MYO5C: variants seen among roughly 807,000 people sequenced by gnomAD.
The protein encoded by MYO5C is myosin VC.
MYO5C carries 194 observed loss-of-function variants against 235.7 expected under a neutral mutation model. The observed-to-expected ratio is 0.82, with a 90% CI of 0.73 to 0.93. MYO5C has a LOEUF of 0.93. MYO5C is among the 40% of genes least tolerant of loss of function. The pLI is 0.00. For synonymous variants in MYO5C, 707 were observed against 754.8 expected (o/e 0.94, Z 1.04); for missense variants, 2,038 against 2,127.2 (o/e 0.96, Z 0.82).
intron 12 of MYO5C, 39 bp from the exon 13 acceptor site, chr15:52,251,554 C>T (rs750732339): frequency 7.0e-6 from 11 of 1,561,208 alleles, no homozygotes; most frequent in Admixed American, 5.5e-5. Context: ...AGTAAGAAAA[C>T]CAGAGATTCA....
chr15:52,237,497 C>G lies in MYO5C; in HGVS notation c.2853G>C (p.Arg951Ser), dbSNP rs2036112819. The G allele has an allele frequency of 6.2e-7, 1 of 1,614,058 alleles. No individual in the cohort carries two copies. Among genetic ancestry groups the G allele is most frequent in the East Asian group, 2.2e-5 (1 of 44,872 alleles). Residue 951 changes from arginine to serine, a missense_variant, in exon 22 of 41, where the codon AGG becomes AGC. Transcript: ENST00000261839. ...RNYEEKGKRY[R>S]DAVEEKLAKL... is the part of the protein sequence containing the mutation. ...CGCAGCTGACCTCTTCCACAGCATCCCTGTATCTCTTCCCCTTCTCCTCGT... is the reference window on the plus strand; with the variant it reads ...CGCAGCTGACCTCTTCCACAGCATCGCTGTATCTCTTCCCCTTCTCCTCGT...
At chr15:52,248,874 T>TA (rs2036410592) in intron 13 of MYO5C, 91 bp from the exon 14 acceptor site, 1 of 903,188 alleles carries the variant, frequency 1.1e-6, no homozygotes, top group Non-Finnish European at 1.7e-6. Flanking sequence ...GAAAGATTAA[T>TA]AAAAAAGGCT....
Position 52,193,972 on chromosome 15 carries a change from G to A in MYO5C, c.5159C>T (p.Pro1720Leu), listed in dbSNP as rs202130148. 2.5e-6 allele frequency: 4 copies of A among 1,613,790 alleles called. No individual in the cohort carries two copies. Among genetic ancestry groups the A allele is most frequent in the Middle Eastern group, 1.6e-4 (1 of 6,062 alleles). The change falls in exon 41 of 41, where the codon CCC becomes CTC. Residue 1720 changes from proline to leucine, a missense_variant. Physicochemically the swap from Pro to Leu is moderately conservative, Grantham distance 98. Coordinates refer to ENST00000261839, the MANE Select transcript of MYO5C (RefSeq NM_018728.4). ...AATCATTTCCAGAGCATGTGGAGAG[G>A]GGGTAAAAGGAAATGTGACTTGAAA... ...YLFQVTFPFTPSPHALEMIQI... is the reference protein window; with the variant it reads ...YLFQVTFPFTLSPHALEMIQI...
intron 1 of MYO5C, among the ~76,000 whole-genome samples, chr15:52,284,866 A>T (rs1371886045): frequency 6.9e-6 from 1 of 145,678 alleles, no homozygotes; most frequent in Non-Finnish European, 1.5e-5. Flanking sequence ...AAGAGACAGG[A>T]TCTAGTTTTG....
At chr15:52,218,911 C>T (rs1000425090) in intron 31 of MYO5C, among the ~76,000 whole-genome samples, 13 of 152,166 alleles carry the variant, frequency 8.5e-5, no homozygotes, top group Admixed American at 2.6e-4. Context: ...TCTCCTTCCC[C>T]CAATAAGAGT....
rs1348210120 is a variant in MYO5C, at chr15:52,192,445, G to A, written c.*1457C>T. ...TATAAAAAGACATTATTATGTATTA[G>A]CAGGGTGATGCTTCATAATCATGTA... On this transcript the variant is annotated 3_prime_UTR_variant, in exon 41 of 41. Transcript: ENST00000261839. 1 of 152,118 alleles carries A rather than the reference G, an allele frequency of 6.6e-6. No individual in the cohort carries two copies. The highest frequency in any genetic ancestry group is 2.4e-5 in the African/African-American group (1 of 41,402). 9.4% of individuals were successfully genotyped at this position (152,118 alleles called of 1,614,324 possible).
chr15:52,282,931 C>A, intron 1 of MYO5C, 39 bp from the exon 2 acceptor site: 1 of 1,338,660 alleles, frequency 7.5e-7, no homozygotes, highest in Non-Finnish European at 1.1e-6. Context: ...TTCAGGACTT[C>A]CAAAATTATG....
chr15:52,272,952 G>A (rs1384359780), intron 5 of MYO5C, among the ~76,000 whole-genome samples: 1 of 152,224 alleles, frequency 6.6e-6, no homozygotes, highest in Non-Finnish European at 1.5e-5. Context: ...TACTGGGGAG[G>A]ACCAGAAAGA....
chr15:52,247,994 A>G (rs150290735), intron 14 of MYO5C, among the ~76,000 whole-genome samples: 1 of 152,104 alleles, frequency 6.6e-6, no homozygotes, highest in East Asian at 1.9e-4. Flanking sequence ...AGCCCCACCC[A>G]CTTCGCAATG....
chr15:52,236,911 G>C (rs1204393500), intron 22 of MYO5C: 1 of 152,144 alleles, frequency 6.6e-6, no homozygotes, highest in Non-Finnish European at 1.5e-5. Flanking sequence ...TTCATCTGAT[G>C]ATTTTATTCT....
At chr15:52,270,366 A>G (rs1047636653) in intron 7 of MYO5C, among the ~76,000 whole-genome samples, 1 of 152,198 alleles carries the variant, frequency 6.6e-6, no homozygotes, top group Non-Finnish European at 1.5e-5. Context: ...TCAAGTTCCA[A>G]TAGCTGATGG....
chr15:52,200,646 T>C (rs905922755), intron 38 of MYO5C, among the ~76,000 whole-genome samples: 3 of 152,062 alleles, frequency 2.0e-5, no homozygotes, highest in African/African-American at 4.8e-5. Flanking sequence ...CAATTCAAAA[T>C]TGGCATATGA....
At chr15:52,294,506 C>A (rs1480554361) in intron 1 of MYO5C, among the ~76,000 whole-genome samples, 1 of 152,192 alleles carries the variant, frequency 6.6e-6, no homozygotes, top group Non-Finnish European at 1.5e-5. Flanking sequence ...TTGCTTAAAC[C>A]ATTGAAACAT....
intron 1 of MYO5C, among the ~76,000 whole-genome samples, chr15:52,283,825 G>A (rs1196396672): frequency 1.3e-5 from 2 of 151,980 alleles, no homozygotes; most frequent in South Asian, 2.1e-4. Context: ...ACAGGCACCC[G>A]CCACCATGCC....
intron 11 of MYO5C, among the ~76,000 whole-genome samples, chr15:52,254,292 G>A (rs2036536549): frequency 6.6e-6 from 1 of 152,178 alleles, no homozygotes; most frequent in African/African-American, 2.4e-5. Flanking sequence ...ACCGGAGGCA[G>A]TGAGACCAAT....
intron 16 of MYO5C, among the ~76,000 whole-genome samples, chr15:52,246,382 C>A (rs1040400905): frequency 6.6e-6 from 1 of 152,186 alleles, no homozygotes; most frequent in African/African-American, 2.4e-5. Flanking sequence ...ATTTCCTCTA[C>A]AGAACACCCA....
intron 38 of MYO5C, among the ~76,000 whole-genome samples, chr15:52,200,254 A>T (rs2035156338): frequency 6.6e-6 from 1 of 152,208 alleles, no homozygotes; most frequent in African/African-American, 2.4e-5. Context: ...AAATATTGAC[A>T]TTCTCCATAT....
At position 52,193,658 on chromosome 15, in the gene MYO5C, A is replaced by G. The variant is rs528291715; in HGVS notation, c.*244T>C. ...TATGAGCCCTCCAGGAATTTCAGTG[A>G]AAACCAGCTGAGATTCGAGAGTGAG... is the stretch of plus-strand genomic sequence containing the variant. On this transcript the variant is annotated 3_prime_UTR_variant, in exon 41 of 41. Coordinates refer to ENST00000261839, the MANE Select transcript of MYO5C (RefSeq NM_018728.4). 9.0e-6 allele frequency: 4 copies of G among 446,092 alleles called. No individual in the cohort carries two copies. The highest frequency in any genetic ancestry group is 1.6e-5 in the Non-Finnish European group (4 of 253,358). 27.6% of individuals were successfully genotyped at this position (446,092 alleles called of 1,614,324 possible). A position where few individuals can be genotyped will look rare whatever the true frequency, so the allele number is the denominator to read the frequency against.
chr15:52,214,601 AC>A lies in MYO5C; in HGVS notation c.4042+1del. 6.3e-7 allele frequency: 1 copy of A among 1,592,254 alleles called. No individual in the cohort carries two copies. The highest frequency in any genetic ancestry group is 8.6e-7 in the Non-Finnish European group (1 of 1,168,060). ...AATAAGAAAACAAGTATTGTTTCTTACCTTTTCCAATTGTCTTGCTTAGTGT... is the reference window on the plus strand; with the variant it reads ...AATAAGAAAACAAGTATTGTTTCTTACTTTTCCAATTGTCTTGCTTAGTGT... On this transcript the variant is annotated splice_donor_variant, in intron 33 of 40. Transcript: ENST00000261839. LOFTEE classifies it high-confidence loss of function.
Sources: gnomAD v4.1 joint callset for allele counts (sites outside exome capture counted in the v4.1 genomes callset) on GRCh38, gnomAD v4.1.1 for gene constraint, MANE v1.5 for transcripts, NCBI Gene and HGNC (gene_info 2026-07-23, HGNC 2026-07-21) for gene names.